CDH10: variants seen among roughly 807,000 people sequenced by gnomAD.
CDH10 encodes the protein cadherin 10, also known as cadherin-10.
A neutral mutation model predicts 73.1 loss-of-function variants in CDH10; 30 were observed. The ratio of observed to expected loss-of-function variants is 0.41; its 90% CI spans 0.31 to 0.56. The LOEUF (loss-of-function observed/expected upper bound fraction) is 0.56. Ranked by LOEUF, CDH10 falls within the 20% of genes least tolerant of loss-of-function variation. The pLI is 0.27. For missense variants in CDH10, 815 were observed against 973.7 expected (o/e 0.84, Z 2.17); for synonymous variants, 345 against 348.2 (o/e 0.99, Z 0.10).
chr5:24,602,004 T>C (rs1226521374), intron 1 of CDH10, among the ~76,000 whole-genome samples: 3 of 152,164 alleles, frequency 2.0e-5, no homozygotes, highest in African/African-American at 7.2e-5. Flanking sequence ...TTTTGGTTTT[T>C]GTGTATGTAT....
At position 24,547,398 on chromosome 5, in the gene CDH10, G is replaced by A. The variant is rs540127930; in HGVS notation, c.232-9724C>T. On this transcript the variant is annotated intron_variant, in intron 2 of 11. Transcript: ENST00000264463. ...TTGTACAGATGTGAGCTGATTACTG[G>A]CAGCTGCTTTTTCCCGAGGGAATTT... is the stretch of plus-strand genomic sequence containing the variant. 8.9e-4 allele frequency among the ~76,000 whole-genome samples: 135 copies of A among 152,268 alleles called. 2 individuals carry two copies. Among genetic ancestry groups the A allele is most frequent in the Admixed American group, 2.6e-4 (4 of 15,294 alleles).
At position 24,535,296 on chromosome 5, in the gene CDH10, A is replaced by G. The variant is rs1235028154; in HGVS notation, c.647-17T>C. 6.3e-7 allele frequency: 1 copy of G among 1,594,730 alleles called. No homozygotes were observed. The highest frequency in any genetic ancestry group is 1.1e-5 in the South Asian group (1 of 86,964). The stretch of plus-strand genomic sequence containing the variant: ...TGATGATACCTTGAGAAAATATAAA[A>G]AAACTTCCATTATCTTCACTGAAAT... On this transcript the variant is annotated splice_polypyrimidine_tract_variant and intron_variant, in intron 4 of 11. Transcript: ENST00000264463.
chr5:24,504,506 CTTTTTTTTTTTTTTTTTTT>C lies in CDH10; in HGVS notation c.1393+587_1393+605del, dbSNP rs70965605. Among the ~76,000 whole-genome samples the C allele has an allele frequency of 3.2e-4, 21 of 65,164 alleles. 3 individuals are homozygous for C. The East Asian group carries it at 9.2e-3, about 29-fold the overall frequency. The allele number at this position is 65,164 out of a possible 152,430, so 42.8% of individuals were successfully genotyped here. ...TATTAAATGCTTTTCTCCTATTAAT[CTTTTTTTTTTTTTTTTTTT>C]TTTTTTTTTTTTTTTTTTAAGATGG... On this transcript the variant is annotated intron_variant, in intron 8 of 11. Transcript: ENST00000264463.
chr5:24,598,638 T>A (rs1421509620), intron 1 of CDH10, among the ~76,000 whole-genome samples: 1 of 151,898 alleles, frequency 6.6e-6, no homozygotes, highest in Non-Finnish European at 1.5e-5. Context: ...AATCAATATA[T>A]CACTGTTGAA....
intron 2 of CDH10, among the ~76,000 whole-genome samples, chr5:24,547,654 A>T (rs747794911): frequency 6.6e-6 from 1 of 152,192 alleles, no homozygotes; most frequent in Non-Finnish European, 1.5e-5. Flanking sequence ...ATAATTACCC[A>T]CATTTCCAGA....
At chr5:24,580,331 T>C (rs562428461) in intron 2 of CDH10, among the ~76,000 whole-genome samples, 1 of 152,300 alleles carries the variant, frequency 6.6e-6, no homozygotes, top group Admixed American at 6.5e-5. Flanking sequence ...CTATTTTTAT[T>C]GGATTTAGAT....
intron 1 of CDH10, among the ~76,000 whole-genome samples, chr5:24,620,034 G>A (rs1747258359): frequency 6.6e-6 from 1 of 152,190 alleles, no homozygotes; most frequent in Non-Finnish European, 1.5e-5. Context: ...GAAATACCTT[G>A]TAGCAGTAAA....
chr5:24,532,701 G>A (rs998279142), intron 5 of CDH10, among the ~76,000 whole-genome samples: 1 of 152,028 alleles, frequency 6.6e-6, no homozygotes, highest in African/African-American at 2.4e-5. Context: ...TATTTAAAGG[G>A]TAATGTTGGG....
chr5:24,541,172 A>T (rs566908818), intron 2 of CDH10, among the ~76,000 whole-genome samples: 1 of 152,046 alleles, frequency 6.6e-6, no homozygotes, highest in African/African-American at 2.4e-5. Context: ...AAGTAATAAC[A>T]GGTCTATTGA....
At chr5:24,554,526 G>A (rs187243231) in intron 2 of CDH10, among the ~76,000 whole-genome samples, 1,631 of 88,060 alleles carry the variant, frequency 0.019, 33 homozygotes, top group African/African-American at 0.057. Context: ...GTGTGCACGT[G>A]CATGATTTTT....
At chr5:24,604,871 TAAAAA>T (rs71576696) in intron 1 of CDH10, among the ~76,000 whole-genome samples, 3 of 116,330 alleles carry the variant, frequency 2.6e-5, no homozygotes, top group African/African-American at 1.3e-4. Flanking sequence ...AAGATGTCTC[TAAAAA>T]AAAAAAAAAA....
At chr5:24,546,148 T>G (rs1360338690) in intron 2 of CDH10, among the ~76,000 whole-genome samples, 1 of 152,114 alleles carries the variant, frequency 6.6e-6, no homozygotes, top group Non-Finnish European at 1.5e-5. Flanking sequence ...GAGCATTTTT[T>G]TAAAAGGCTA....
chr5:24,553,739 C>T (rs921296942), intron 2 of CDH10, among the ~76,000 whole-genome samples: 1 of 152,032 alleles, frequency 6.6e-6, no homozygotes, highest in African/African-American at 2.4e-5. Flanking sequence ...AAGTCTATAC[C>T]CCTCCTATTG....
At chr5:24,640,886 A>T (rs1432003362) in intron 1 of CDH10, among the ~76,000 whole-genome samples, 2 of 151,946 alleles carry the variant, frequency 1.3e-5, no homozygotes, top group Non-Finnish European at 2.9e-5. Flanking sequence ...AAGCACTTTC[A>T]TTCTTAAAAA....
chr5:24,640,351 G>T (rs1748006718), intron 1 of CDH10, among the ~76,000 whole-genome samples: 1 of 151,440 alleles, frequency 6.6e-6, no homozygotes, highest in African/African-American at 2.4e-5. Context: ...AAATTTATGG[G>T]GATCAGCAGG....
intron 5 of CDH10, among the ~76,000 whole-genome samples, chr5:24,528,667 C>T (rs73067136): frequency 4.3e-4 from 66 of 152,074 alleles, no homozygotes; most frequent in African/African-American, 1.5e-3. Flanking sequence ...TATGATTTAC[C>T]TGTCTCTGTA....
chr5:24,564,770 T>G (rs1745107494), intron 2 of CDH10, among the ~76,000 whole-genome samples: 1 of 152,194 alleles, frequency 6.6e-6, no homozygotes, highest in Non-Finnish European at 1.5e-5. Context: ...CGTATTAACT[T>G]ATTAGATCAA....
intron 1 of CDH10, among the ~76,000 whole-genome samples, chr5:24,607,456 C>T (rs1746798286): frequency 6.6e-6 from 1 of 152,166 alleles, no homozygotes; most frequent in Non-Finnish European, 1.5e-5. Flanking sequence ...AAAAAAACCA[C>T]CGTCAGGTGT....
At chr5:24,496,005 T>C (rs1742275578) in intron 9 of CDH10, among the ~76,000 whole-genome samples, 1 of 152,142 alleles carries the variant, frequency 6.6e-6, no homozygotes, top group African/African-American at 2.4e-5. Flanking sequence ...GATCATATTA[T>C]TATGGTGTCT....
Sources: gnomAD v4.1 joint callset for allele counts (sites outside exome capture counted in the v4.1 genomes callset) on GRCh38, gnomAD v4.1.1 for gene constraint, MANE v1.5 for transcripts, NCBI Gene and HGNC (gene_info 2026-07-23, HGNC 2026-07-21) for gene names.